POU6F2: variants seen among roughly 807,000 people sequenced by gnomAD.
The protein encoded by POU6F2 is POU domain, class 6, transcription factor 2.
POU6F2 carries 31 observed loss-of-function variants against 71.3 expected under a neutral mutation model. That is an observed-to-expected ratio of 0.43 (90% CI 0.33 to 0.59). The LOEUF (loss-of-function observed/expected upper bound fraction) is 0.59. Among genes scored for constraint, POU6F2 ranks in the 20% least tolerant of loss-of-function variants. The probability of loss-of-function intolerance (pLI) is 0.04; values close to 1 mark genes in which losing one functional copy is unlikely to be tolerated. For synonymous variants in POU6F2, 347 were observed against 355.7 expected (o/e 0.98, Z 0.27); for missense variants, 783 against 856.8 (o/e 0.91, Z 1.07).
Position 39,433,100 on chromosome 7 carries a change from G to A in POU6F2, c.1137G>A (p.Met379Ile), listed in dbSNP as rs1167085883. 2 of 1,613,324 alleles carry A rather than the reference G, an allele frequency of 1.2e-6. No individual in the cohort carries two copies. The highest frequency in any genetic ancestry group is 2.7e-5 in the African/African-American group (2 of 74,970). The change falls in exon 7 of 10, where the codon ATG becomes ATA. Residue 379 changes from methionine to isoleucine, a missense_variant. Physicochemically the swap from Met to Ile is conservative, Grantham distance 10. Transcript: ENST00000518318. ...AGATTATCGGGACCATTCCACTGATGCCTAATCCAGGGCCATCGAGCCAAG... is the reference window on the plus strand; with the variant it reads ...AGATTATCGGGACCATTCCACTGATACCTAATCCAGGGCCATCGAGCCAAG... ...QGQIIGTIPL[M>I]PNPGPSSQAA... is the part of the protein sequence containing the mutation.
chr7:39,085,577 G>GTT (rs201365898), intron 1 of POU6F2, among the ~76,000 whole-genome samples: 34 of 141,272 alleles, frequency 2.4e-4, no homozygotes, highest in African/African-American at 4.9e-4. Context: ...TTTCAAAGAA[G>GTT]TTTTTTTTTT....
chr7:39,380,844 C>T (rs1280822222), intron 5 of POU6F2, among the ~76,000 whole-genome samples: 1 of 152,150 alleles, frequency 6.6e-6, no homozygotes, highest in Non-Finnish European at 1.5e-5. Flanking sequence ...GTCCTGCTTC[C>T]TCGTGTCGTG....
chr7:39,046,227 C>G (rs982070570), intron 1 of POU6F2, among the ~76,000 whole-genome samples: 4 of 151,686 alleles, frequency 2.6e-5, no homozygotes, highest in Non-Finnish European at 5.9e-5. Flanking sequence ...CATCCTTTCC[C>G]GTGTCTTTTA....
At chr7:39,298,751 A>T (rs1238262269) in intron 4 of POU6F2, among the ~76,000 whole-genome samples, 2 of 152,234 alleles carry the variant, frequency 1.3e-5, no homozygotes, top group African/African-American at 4.8e-5. Flanking sequence ...ACATGGAACC[A>T]ACCCAAATGC....
chr7:39,396,017 G>A (rs931505584), intron 5 of POU6F2, among the ~76,000 whole-genome samples: 2 of 152,198 alleles, frequency 1.3e-5, no homozygotes, highest in Admixed American at 6.5e-5. Context: ...TAGGCAATTG[G>A]TAAGAGTAGC....
chr7:39,085,852 C>T lies in POU6F2; in HGVS notation c.106-8C>T. ...TTTCCTCCCCTTCACTCTTTTCGCC[C>T]ATCCTAGGATCCAATGATAGCTGGA... On this transcript the variant is annotated splice_polypyrimidine_tract_variant and splice_region_variant and intron_variant, in intron 1 of 9. Coordinates refer to ENST00000518318, the MANE Select transcript of POU6F2 (RefSeq NM_001370959.1). The T allele has an allele frequency of 6.2e-7, 1 of 1,613,000 alleles. No homozygotes were observed. Among genetic ancestry groups the T allele is most frequent in the African/African-American group, 1.3e-5 (1 of 74,958 alleles).
rs528052717 is a variant in POU6F2, at chr7:39,220,057, G to T, written c.598+12437G>T. Among the ~76,000 whole-genome samples, 28 of 152,296 alleles carry T rather than the reference G, an allele frequency of 1.8e-4. No homozygotes were observed. The East Asian group carries it at 5.0e-3, about 27-fold the overall frequency. ...ATAATTTGATTGATTTGTTTTGACA[G>T]CAGCCAAATAATTGAGAGTGAAAGG... On this transcript the variant is annotated intron_variant, in intron 4 of 9. Coordinates refer to ENST00000518318, the MANE Select transcript of POU6F2 (RefSeq NM_001370959.1).
At chr7:39,419,033 A>G (rs1443901897) in intron 6 of POU6F2, among the ~76,000 whole-genome samples, 6 of 146,770 alleles carry the variant, frequency 4.1e-5, no homozygotes, top group South Asian at 2.1e-4. Flanking sequence ...ATGTGTGTAT[A>G]TATACATATA....
At chr7:39,076,588 G>A (rs1009824085) in intron 1 of POU6F2, among the ~76,000 whole-genome samples, 10 of 152,114 alleles carry the variant, frequency 6.6e-5, no homozygotes, top group African/African-American at 1.2e-4. Context: ...GATTGTTATC[G>A]CATCTGTGAT....
At chr7:39,276,719 T>G (rs1331833092) in intron 4 of POU6F2, among the ~76,000 whole-genome samples, 24 of 151,602 alleles carry the variant, frequency 1.6e-4, no homozygotes, top group East Asian at 7.8e-4. Flanking sequence ...ATACTATGCA[T>G]CCATAAAAAA....
At chr7:39,125,273 A>C (rs1022794481) in intron 2 of POU6F2, among the ~76,000 whole-genome samples, 14 of 152,188 alleles carry the variant, frequency 9.2e-5, no homozygotes, top group African/African-American at 3.4e-4. Flanking sequence ...TGTTAGCAGA[A>C]AGATTCCTAT....
rs150058843 is a variant in POU6F2, at chr7:39,109,459, A to C, written c.277+23428A>C. On this transcript the variant is annotated intron_variant, in intron 2 of 9. Transcript: ENST00000518318. Reference sequence around the variant, plus strand: ...ATCCAAGACACTGATGTCTCACCTGAGTTGGTCTTTGGAAAGGAATAAATT... The same window carrying C: ...ATCCAAGACACTGATGTCTCACCTGCGTTGGTCTTTGGAAAGGAATAAATT... Among the ~76,000 whole-genome samples the C allele has an allele frequency of 2.0e-3, 302 of 152,284 alleles. 1 individual carries two copies. The highest frequency in any genetic ancestry group is 7.1e-3 in the African/African-American group (294 of 41,554).
At chr7:39,413,556 C>T (rs530673868) in intron 6 of POU6F2, among the ~76,000 whole-genome samples, 1 of 151,722 alleles carries the variant, frequency 6.6e-6, no homozygotes, top group Admixed American at 6.5e-5. Flanking sequence ...CTTTTATAAG[C>T]CAAAAAAAAA....
At position 39,465,019 on chromosome 7, in the gene POU6F2, C is replaced by T. The variant is rs1160218307; in HGVS notation, c.*333C>T. 4.3e-6 allele frequency: 1 copy of T among 231,920 alleles called. No homozygotes were observed. Among genetic ancestry groups the T allele is most frequent in the Non-Finnish European group, 8.4e-6 (1 of 118,772 alleles). The allele number at this position is 231,920 out of a possible 1,614,324, so 14.4% of individuals were successfully genotyped here. ...ATGGACTTAAAGCAAACCAAATAAC[C>T]ACGTACTTTTTTCTGTATATTATGA... On this transcript the variant is annotated 3_prime_UTR_variant, in exon 10 of 10. Transcript: ENST00000518318.
intron 5 of POU6F2, among the ~76,000 whole-genome samples, chr7:39,378,588 G>A (rs1187767149): frequency 1.3e-5 from 2 of 152,286 alleles, no homozygotes; most frequent in Admixed American, 6.5e-5. Flanking sequence ...TCAATCTGTT[G>A]CTGTCACTGA....
At chr7:39,068,159 G>A (rs1790799222) in intron 1 of POU6F2, among the ~76,000 whole-genome samples, 1 of 151,982 alleles carries the variant, frequency 6.6e-6, no homozygotes, top group South Asian at 2.1e-4. Flanking sequence ...TTAATATATT[G>A]ATATTTATCT....
At chr7:39,185,162 A>C (rs1395601302) in intron 2 of POU6F2, among the ~76,000 whole-genome samples, 1 of 152,152 alleles carries the variant, frequency 6.6e-6, no homozygotes, top group African/African-American at 2.4e-5. Context: ...CTGCAAGTAC[A>C]CTTCAGTGTA....
chr7:39,301,395 G>A (rs1362997752), intron 4 of POU6F2, among the ~76,000 whole-genome samples: 1 of 152,138 alleles, frequency 6.6e-6, no homozygotes, highest in Non-Finnish European at 1.5e-5. Flanking sequence ...CTGGCCAACA[G>A]CATCATTCTG....
At chr7:39,383,929 T>C (rs1442623263) in intron 5 of POU6F2, among the ~76,000 whole-genome samples, 1 of 152,246 alleles carries the variant, frequency 6.6e-6, no homozygotes, top group Non-Finnish European at 1.5e-5. Context: ...TGGAAATGCT[T>C]CTTTAATTCT....
Sources: allele counts gnomAD v4.1 joint callset (sites outside exome capture counted in the v4.1 genomes callset), GRCh38; gene constraint gnomAD v4.1.1; transcripts MANE v1.5; gene names NCBI Gene and HGNC (gene_info 2026-07-23, HGNC 2026-07-21).